Variants in MDGA2 observed in about 807,000 individuals in gnomAD.
The protein encoded by MDGA2 is MAM domain-containing glycosylphosphatidylinositol anchor protein 2.
In MDGA2, 40 loss-of-function variants were observed where a neutral mutation model predicts 117.8. The observed-to-expected ratio is 0.34, with a 90% CI of 0.26 to 0.44. The LOEUF (loss-of-function observed/expected upper bound fraction) is 0.44, where lower values mean the gene tolerates loss of function less well. Among genes scored for constraint, MDGA2 ranks in the 20% least tolerant of loss-of-function variants. The pLI is 1.00. For synonymous variants in MDGA2, 452 were observed against 439.0 expected (o/e 1.03, Z -0.37); for missense variants, 1,123 against 1,250.6 (o/e 0.90, Z 1.54).
chr14:46,997,065 T>C (rs1031310373), intron 8 of MDGA2: 27 of 239,244 alleles, frequency 1.1e-4, no homozygotes, highest in Admixed American at 5.6e-5. Flanking sequence ...TTCAGGATCT[T>C]AAGAAACAGC....
intron 1 of MDGA2, among the ~76,000 whole-genome samples, chr14:47,431,182 T>A (rs1215564782): frequency 1.3e-5 from 2 of 152,098 alleles, no homozygotes; most frequent in East Asian, 3.9e-4. Flanking sequence ...CCTGTATGAA[T>A]CCTTAGAGAG....
chr14:47,147,162 T>A (rs1407330359), intron 3 of MDGA2, among the ~76,000 whole-genome samples: 2 of 151,168 alleles, frequency 1.3e-5, no homozygotes, highest in African/African-American at 4.8e-5. Flanking sequence ...TGTGTAGATA[T>A]ACATACTTAT....
intron 5 of MDGA2, among the ~76,000 whole-genome samples, chr14:47,121,156 T>C (rs922049488): frequency 1.3e-5 from 2 of 152,146 alleles, no homozygotes; most frequent in African/African-American, 4.8e-5. Flanking sequence ...TGGAGATGTA[T>C]CCTATAAGCG....
intron 8 of MDGA2, among the ~76,000 whole-genome samples, chr14:47,021,502 T>C (rs1157390268): frequency 1.3e-5 from 2 of 152,214 alleles, no homozygotes; most frequent in Admixed American, 1.3e-4. Flanking sequence ...TAATTATGTA[T>C]GCCTCTAGCC....
At chr14:46,955,141 G>C (rs1885513661) in intron 9 of MDGA2, among the ~76,000 whole-genome samples, 1 of 152,004 alleles carries the variant, frequency 6.6e-6, no homozygotes, top group African/African-American at 2.4e-5. Flanking sequence ...GCATGCTCCA[G>C]TTAAATCCTG....
intron 1 of MDGA2, among the ~76,000 whole-genome samples, chr14:47,326,210 CCAA>C (rs1890138433): frequency 6.6e-6 from 1 of 152,076 alleles, no homozygotes; most frequent in Admixed American, 6.6e-5. Flanking sequence ...GTTCTCTCTG[CCAA>C]CATCTTTCCA....
intron 8 of MDGA2, among the ~76,000 whole-genome samples, chr14:46,960,111 C>T (rs1249051552): frequency 6.6e-6 from 1 of 151,898 alleles, no homozygotes; most frequent in East Asian, 1.9e-4. Flanking sequence ...GCCCCAGCTA[C>T]TTGGGAGGCT....
At chr14:47,114,943 C>T (rs1281773375) in intron 5 of MDGA2, among the ~76,000 whole-genome samples, 2 of 133,826 alleles carry the variant, frequency 1.5e-5, no homozygotes, top group East Asian at 4.0e-4. Context: ...ATCCAAAGAG[C>T]TTCTGCACAG....
At chr14:47,272,870 G>C (rs1019053291) in intron 2 of MDGA2, among the ~76,000 whole-genome samples, 1 of 152,070 alleles carries the variant, frequency 6.6e-6, no homozygotes, top group Non-Finnish European at 1.5e-5. Context: ...ATCAGTTAGC[G>C]AAATGCCATT....
chr14:46,917,452 A>G (rs368616498), intron 10 of MDGA2, among the ~76,000 whole-genome samples: 161 of 152,284 alleles, frequency 1.1e-3, no homozygotes, highest in African/African-American at 3.7e-3. Context: ...ATAATCTTCA[A>G]TTTACAGGAT....
intron 2 of MDGA2, among the ~76,000 whole-genome samples, chr14:47,273,555 T>G (rs1888214747): frequency 6.6e-6 from 1 of 152,162 alleles, no homozygotes; most frequent in South Asian, 2.1e-4. Flanking sequence ...ATCATATTAA[T>G]GGCCTGGTAC....
At chr14:47,168,054 G>A (rs903850525) in intron 3 of MDGA2, among the ~76,000 whole-genome samples, 10 of 151,986 alleles carry the variant, frequency 6.6e-5, no homozygotes, top group African/African-American at 2.2e-4. Flanking sequence ...CAACATATTA[G>A]ACATCTGTTA....
At chr14:47,050,170 A>G (rs1295368225) in intron 7 of MDGA2, among the ~76,000 whole-genome samples, 1 of 152,088 alleles carries the variant, frequency 6.6e-6, no homozygotes, top group Non-Finnish European at 1.5e-5. Context: ...TTCTTCAGCC[A>G]GAATTCACCT....
rs550608426 is a variant in MDGA2 at position 47,610,834 on chromosome 14, T to C, written c.280+63683A>G. On this transcript the variant is annotated intron_variant, in intron 1 of 16. Coordinates refer to ENST00000399232, the MANE Select transcript of MDGA2 (RefSeq NM_001113498.3). ...ATCCCCATCAAAATACCACCATAATTCTTCACAGAATTAGAAAAAAACTAT... is the reference window on the plus strand; with the variant it reads ...ATCCCCATCAAAATACCACCATAATCCTTCACAGAATTAGAAAAAAACTAT... 3.3e-5 allele frequency among the ~76,000 whole-genome samples: 5 copies of C among 152,114 alleles called. No homozygotes were observed. The South Asian group carries it at 6.2e-4, about 19-fold the overall frequency.
At chr14:47,413,038 A>G (rs1342585034) in intron 1 of MDGA2, among the ~76,000 whole-genome samples, 1 of 152,226 alleles carries the variant, frequency 6.6e-6, no homozygotes, top group Non-Finnish European at 1.5e-5. Flanking sequence ...CTAGTCTAGA[A>G]AAGTGTATAT....
intron 2 of MDGA2, among the ~76,000 whole-genome samples, chr14:47,291,505 G>T (rs1463876211): frequency 6.6e-6 from 1 of 152,120 alleles, no homozygotes; most frequent in Non-Finnish European, 1.5e-5. Context: ...TGAAAATATC[G>T]TGAGTTGAAA....
chr14:46,908,116 T>C (rs969782311), intron 10 of MDGA2, among the ~76,000 whole-genome samples: 1 of 152,144 alleles, frequency 6.6e-6, no homozygotes, highest in Non-Finnish European at 1.5e-5. Context: ...AAAATCACAA[T>C]TTCTGGTGCT....
chr14:47,289,419 TA>T (rs1406014226), intron 2 of MDGA2, among the ~76,000 whole-genome samples: 2 of 151,314 alleles, frequency 1.3e-5, no homozygotes, highest in Non-Finnish European at 2.9e-5. Context: ...ATTTCATGAT[TA>T]AAAAAGTCTC....
At chr14:47,228,495 C>T (rs1227124123) in intron 2 of MDGA2, among the ~76,000 whole-genome samples, 1 of 152,066 alleles carries the variant, frequency 6.6e-6, no homozygotes, top group Non-Finnish European at 1.5e-5. Flanking sequence ...ATAAAATAGG[C>T]TTTGTGTTAG....
Sources: gnomAD v4.1 joint callset for allele counts (sites outside exome capture counted in the v4.1 genomes callset) on GRCh38, gnomAD v4.1.1 for gene constraint, MANE v1.5 for transcripts, NCBI Gene and HGNC (gene_info 2026-07-23, HGNC 2026-07-21) for gene names.